STARD13: variants seen among roughly 807,000 people sequenced by gnomAD.
STARD13 encodes the protein StAR related lipid transfer domain containing 13.
Under a neutral mutation model 106.4 loss-of-function variants are expected in STARD13, and 62 were observed. The observed-to-expected ratio is 0.58, with a 90% CI of 0.48 to 0.72. The LOEUF (loss-of-function observed/expected upper bound fraction) is 0.72. Among genes scored for constraint, STARD13 ranks in the 30% least tolerant of loss-of-function variants. The pLI is 0.00. For synonymous variants in STARD13, 565 were observed against 553.0 expected (o/e 1.02, Z -0.31); for missense variants, 1,387 against 1,424.0 (o/e 0.97, Z 0.42).
intron 1 of STARD13, among the ~76,000 whole-genome samples, chr13:33,183,547 C>G (rs886112739): frequency 6.6e-6 from 1 of 152,188 alleles, no homozygotes; most frequent in African/African-American, 2.4e-5. Context: ...TTTGAGAAGT[C>G]TGATGCTACT....
chr13:33,499,604 T>TTCCTTCTTC, the STARD13 span, among the ~76,000 whole-genome samples: 3 of 39,904 alleles, frequency 7.5e-5, no homozygotes, highest in South Asian at 1.1e-3. Flanking sequence ...CTTCTTCTTC[T>TTCCTTCTTC]TTCTTCTTCT....
chr13:33,355,184 C>A (rs1288410965), upstream of STARD13: 1 of 152,070 alleles, frequency 6.6e-6, no homozygotes, highest in African/African-American at 2.4e-5. Context: ...TGTAATAAGA[C>A]CCATCACCAT....
intron 1 of STARD13, among the ~76,000 whole-genome samples, chr13:33,294,856 C>A (rs1352477323): frequency 6.6e-6 from 1 of 152,100 alleles, no homozygotes; most frequent in African/African-American, 2.4e-5. Context: ...ATGAAATGAA[C>A]ACTTGCTCAT....
intron 1 of STARD13, among the ~76,000 whole-genome samples, chr13:33,208,138 G>A (rs183564236): frequency 3.3e-5 from 5 of 152,294 alleles, no homozygotes; most frequent in Admixed American, 2.6e-4. Flanking sequence ...CACTTCAGAG[G>A]ATGTGTGCTG....
chr13:33,491,871 G>A, the STARD13 span, among the ~76,000 whole-genome samples: 19 of 152,248 alleles, frequency 1.2e-4, no homozygotes, highest in African/African-American at 3.9e-4. Context: ...TTTCACTCGC[G>A]TCCATGTGAA....
chr13:33,523,744 A>G, the STARD13 span, among the ~76,000 whole-genome samples: 1 of 152,246 alleles, frequency 6.6e-6, no homozygotes, highest in South Asian at 2.1e-4. Context: ...TATTATTTTG[A>G]GCTTGGTAGA....
At chr13:33,206,323 T>C (rs1274759194) in intron 1 of STARD13, among the ~76,000 whole-genome samples, 1 of 151,778 alleles carries the variant, frequency 6.6e-6, no homozygotes, top group Admixed American at 6.6e-5. Flanking sequence ...AGCTTAGGTT[T>C]TTCCATGCCT....
chr13:33,254,509 T>C (rs527573949), intron 1 of STARD13, among the ~76,000 whole-genome samples: 7 of 152,116 alleles, frequency 4.6e-5, no homozygotes, highest in Admixed American at 4.6e-4. Flanking sequence ...TACCAGGGGG[T>C]GATTCCCCGA....
chr13:33,148,213 T>C (rs374908664), intron 3 of STARD13, among the ~76,000 whole-genome samples: 1 of 152,182 alleles, frequency 6.6e-6, no homozygotes, highest in Non-Finnish European at 1.5e-5. Flanking sequence ...AAATAACTGA[T>C]AAACCAGACT....
intron 6 of STARD13, among the ~76,000 whole-genome samples, chr13:33,126,572 C>A (rs1323362460): frequency 6.6e-6 from 1 of 152,006 alleles, no homozygotes; most frequent in African/African-American, 2.4e-5. Flanking sequence ...CAAAACAAAA[C>A]AAATTAAAAA....
chr13:33,190,690 G>T (rs967070594), intron 1 of STARD13, among the ~76,000 whole-genome samples: 1 of 151,220 alleles, frequency 6.6e-6, no homozygotes, highest in Admixed American at 6.6e-5. Flanking sequence ...GGGTTCAAGC[G>T]ATTCTTCTGC....
At chr13:33,399,700 CAAAAAA>C in the STARD13 span, among the ~76,000 whole-genome samples, 3 of 26,946 alleles carry the variant, frequency 1.1e-4, no homozygotes, top group Non-Finnish European at 1.8e-4. Context: ...GACTCTGTCT[CAAAAAA>C]AAAAAAAAAA....
At chr13:33,146,592 AT>A (rs564387994) in intron 3 of STARD13, among the ~76,000 whole-genome samples, 149 of 152,360 alleles carry the variant, frequency 9.8e-4, no homozygotes, top group African/African-American at 3.5e-3. Context: ...TATAAATTAT[AT>A]TTAAATAAAG....
the STARD13 span, among the ~76,000 whole-genome samples, chr13:33,553,302 T>A: frequency 6.6e-6 from 1 of 152,052 alleles, no homozygotes; most frequent in Non-Finnish European, 1.5e-5. Flanking sequence ...TAATTGTAGT[T>A]GTTTAACTTA....
intron 1 of STARD13, among the ~76,000 whole-genome samples, chr13:33,255,476 C>A (rs1275442640): frequency 6.6e-6 from 1 of 151,988 alleles, no homozygotes; most frequent in Non-Finnish European, 1.5e-5. Context: ...ATCAACCATA[C>A]CCCTGTCCAC....
At chr13:33,584,772 G>T in the STARD13 span, among the ~76,000 whole-genome samples, 1 of 151,980 alleles carries the variant, frequency 6.6e-6, no homozygotes, top group Non-Finnish European at 1.5e-5. Flanking sequence ...GATCATGGGA[G>T]CGGATTTCTC....
At chr13:33,212,848 A>T (rs889509176) in intron 1 of STARD13, among the ~76,000 whole-genome samples, 1 of 152,202 alleles carries the variant, frequency 6.6e-6, no homozygotes. Context: ...TTTTTCTGAG[A>T]AAAAAGTTAC....
At chr13:33,237,927 T>G (rs1405569165) in intron 1 of STARD13, among the ~76,000 whole-genome samples, 3 of 152,216 alleles carry the variant, frequency 2.0e-5, no homozygotes, top group Non-Finnish European at 2.9e-5. Flanking sequence ...ATTAGTGTCT[T>G]CATAAAAAGA....
chr13:33,113,688 G>T, intron 8 of STARD13: 1 of 443,292 alleles, frequency 2.3e-6, no homozygotes, highest in Non-Finnish European at 4.5e-6. Context: ...GCAGCCTAAG[G>T]TTATGGGGGA....
Sources: gnomAD v4.1 joint callset for allele counts (sites outside exome capture counted in the v4.1 genomes callset) on GRCh38, gnomAD v4.1.1 for gene constraint, MANE v1.5 for transcripts, NCBI Gene and HGNC (gene_info 2026-07-23, HGNC 2026-07-21) for gene names.